SLAMF1: variants seen among roughly 807,000 people sequenced by gnomAD.
SLAMF1 encodes signaling lymphocytic activation molecule.
In SLAMF1, 18 loss-of-function variants were observed where a neutral mutation model predicts 35.1. The observed-to-expected ratio is 0.51, with a 90% CI of 0.35 to 0.76. The LOEUF (loss-of-function observed/expected upper bound fraction) is 0.76, where lower values mean the gene tolerates loss of function less well. Among genes scored for constraint, SLAMF1 ranks in the 30% least tolerant of loss-of-function variants. The pLI, the probability that SLAMF1 is intolerant of heterozygous loss-of-function variation, is 0.01. For missense variants in SLAMF1, 392 were observed against 413.0 expected (o/e 0.95, Z 0.44); for synonymous variants, 168 against 157.2 (o/e 1.07, Z -0.51).
At chr1:160,615,700 G>C (rs1659260095) in intron 5 of SLAMF1, 2 of 314,570 alleles carry the variant, frequency 6.4e-6, no homozygotes, top group Non-Finnish European at 1.3e-5. Context: ...CTTCACAGAT[G>C]TCAAGATAAG....
At position 160,622,790 on chromosome 1, in the gene SLAMF1, C is replaced by A. The variant is rs189835619; in HGVS notation, c.790+1306G>T. The stretch of plus-strand genomic sequence containing the variant: ...TTTGTCTAATGCCTATACCCACATT[C>A]TTTATCAGTGTATTCTCCTGGACAT... On this transcript the variant is annotated intron_variant, in intron 4 of 6. Transcript: ENST00000302035. Among the ~76,000 whole-genome samples the A allele has an allele frequency of 7.9e-4, 120 of 152,340 alleles. 1 individual carries two copies. Among genetic ancestry groups the A allele is most frequent in the African/African-American group, 2.8e-3 (116 of 41,586 alleles).
At chr1:160,644,995 G>C (rs1660959392) in intron 1 of SLAMF1, among the ~76,000 whole-genome samples, 1 of 152,192 alleles carries the variant, frequency 6.6e-6, no homozygotes, top group African/African-American at 2.4e-5. Flanking sequence ...GGCTATGTAT[G>C]TATGGGGCAG....
intron 1 of SLAMF1, among the ~76,000 whole-genome samples, chr1:160,643,818 A>G (rs1457758090): frequency 1.3e-5 from 2 of 152,228 alleles, no homozygotes; most frequent in East Asian, 3.8e-4. Context: ...ATTATTGTTA[A>G]CTATAGTCAC....
chr1:160,622,605 C>G (rs115499636), intron 4 of SLAMF1, among the ~76,000 whole-genome samples: 1,736 of 152,238 alleles, frequency 0.011, 13 homozygotes, highest in East Asian at 0.026. Flanking sequence ...TATCTATCAC[C>G]CATCGATGGG....
rs1295314117 is a variant in SLAMF1 at position 160,637,506 on chromosome 1, T to C, written c.100A>G (p.Lys34Glu). Residue 34 changes from lysine (K) to glutamate (E), a missense_variant, in exon 2 of 7, where the codon AAG becomes GAG. Coordinates refer to ENST00000302035, the MANE Select transcript of SLAMF1 (RefSeq NM_003037.5). The stretch of plus-strand genomic sequence containing the variant: ...TTGCTTCCCAACTGCCGGAGAATCT[T>C]TGGGCAGTTCATCATGCGCCCACCT... ...GTGGRMMNCP[K>E]ILRQLGSKVL... 1.9e-6 allele frequency: 3 copies of C among 1,611,616 alleles called. No homozygotes were observed. The highest frequency in any genetic ancestry group is 2.5e-6 in the Non-Finnish European group (3 of 1,179,852).
At chr1:160,612,433 T>G (rs889330094) in intron 6 of SLAMF1, 55 bp downstream of exon 6, 2 of 1,213,444 alleles carry the variant, frequency 1.6e-6, no homozygotes, top group African/African-American at 1.5e-5. Flanking sequence ...CTTCCTCATT[T>G]TCCCCTCCTT....
At chr1:160,632,702 C>G (rs1285694242) in intron 3 of SLAMF1, among the ~76,000 whole-genome samples, 1 of 152,058 alleles carries the variant, frequency 6.6e-6, no homozygotes, top group Non-Finnish European at 1.5e-5. Flanking sequence ...GGCAGCTATA[C>G]CCAGAGAGGG....
Position 160,612,593 on chromosome 1 carries a change from C to A in SLAMF1, c.865-13G>T, listed in dbSNP as rs769299336. 6.5e-7 allele frequency: 1 copy of A among 1,544,958 alleles called. No individual in the cohort carries two copies. Among genetic ancestry groups the A allele is most frequent in the Admixed American group, 1.7e-5 (1 of 59,510 alleles). ...TCTTCTGAAGAGGCTACAAGAGAAGCAAAGAAAGCAGATTAGCTGAACAGA... is the reference window on the plus strand; with the variant it reads ...TCTTCTGAAGAGGCTACAAGAGAAGAAAAGAAAGCAGATTAGCTGAACAGA... On this transcript the variant is annotated splice_polypyrimidine_tract_variant and intron_variant, in intron 5 of 6. Transcript: ENST00000302035.
Position 160,610,703 on chromosome 1 carries a change from G to A in SLAMF1, c.*45C>T. On this transcript the variant is annotated 3_prime_UTR_variant, in exon 7 of 7. Transcript: ENST00000302035. ...GTGGCCAAGTTCAGTGTTCATTTTGGTTTTTCCATTTTCCTTCAGAAAGTC... is the reference window on the plus strand; with the variant it reads ...GTGGCCAAGTTCAGTGTTCATTTTGATTTTTCCATTTTCCTTCAGAAAGTC... 1 of 1,513,460 alleles carries A rather than the reference G, an allele frequency of 6.6e-7. No homozygotes were observed. The allele number at this position is 1,513,460 out of a possible 1,614,324, so 93.8% of individuals were successfully genotyped here.
intron 1 of SLAMF1, among the ~76,000 whole-genome samples, chr1:160,640,355 T>C (rs1243885940): frequency 1.8e-4 from 24 of 133,584 alleles, no homozygotes; most frequent in African/African-American, 6.6e-4. Context: ...TATATATATA[T>C]ATATACACAC....
intron 5 of SLAMF1, among the ~76,000 whole-genome samples, chr1:160,614,377 C>T (rs1023864628): frequency 5.5e-5 from 8 of 145,360 alleles, no homozygotes; most frequent in African/African-American, 2.0e-4. Context: ...AGATCGAGAC[C>T]ATCCTGGCCA....
chr1:160,637,137 G>A lies in SLAMF1; in HGVS notation c.415+54C>T, dbSNP rs1008093353. On this transcript the variant is annotated intron_variant, in intron 2 of 6. Coordinates refer to ENST00000302035, the MANE Select transcript of SLAMF1 (RefSeq NM_003037.5). ...CTTTTAAGAGAGACCTAAATTCTTG[G>A]TCAAAGGAGCACCTTGGCCCTTTAG... The A allele has an allele frequency of 5.6e-6, 7 of 1,260,990 alleles. No individual in the cohort carries two copies. The Middle Eastern group carries it at 7.5e-4, about 135-fold the overall frequency. 78.1% of individuals were successfully genotyped at this position (1,260,990 alleles called of 1,614,324 possible).
At chr1:160,618,498 G>A (rs1177670450) in intron 5 of SLAMF1, among the ~76,000 whole-genome samples, 3 of 152,036 alleles carry the variant, frequency 2.0e-5, no homozygotes, top group Admixed American at 6.6e-5. Flanking sequence ...TAGTCCCCTC[G>A]AGTGTTTGCA....
intron 1 of SLAMF1, among the ~76,000 whole-genome samples, chr1:160,640,399 T>C (rs1014148258): frequency 2.9e-5 from 4 of 139,464 alleles, no homozygotes; most frequent in Non-Finnish European, 6.2e-5. Context: ...CACACACACA[T>C]ACATATATAT....
chr1:160,633,115 G>A (rs1335250085), intron 3 of SLAMF1, among the ~76,000 whole-genome samples: 1 of 152,180 alleles, frequency 6.6e-6, no homozygotes, highest in Non-Finnish European at 1.5e-5. Flanking sequence ...GGGCAGCATT[G>A]GCTCTAGGAC....
intron 5 of SLAMF1, 106 bp downstream of exon 5, chr1:160,619,670 C>T (rs577714149): frequency 8.8e-6 from 7 of 792,410 alleles, no homozygotes; most frequent in Non-Finnish European, 1.6e-5. Context: ...CCCTACCTTC[C>T]TCTGCTCTGG....
chr1:160,646,154 G>A (rs1455923208), intron 1 of SLAMF1, among the ~76,000 whole-genome samples: 1 of 152,198 alleles, frequency 6.6e-6, no homozygotes, highest in African/African-American at 2.4e-5. Context: ...CAGGAACAGA[G>A]TCCAGATCCA....
chr1:160,630,279 G>A (rs56184622), intron 3 of SLAMF1, among the ~76,000 whole-genome samples: 1,628 of 152,278 alleles, frequency 0.011, 28 homozygotes, highest in African/African-American at 0.037. Flanking sequence ...GCTTCATTAT[G>A]ATAGACATTA....
chr1:160,625,827 G>GTC (rs964718290), intron 3 of SLAMF1, among the ~76,000 whole-genome samples: 11 of 97,032 alleles, frequency 1.1e-4, no homozygotes, highest in African/African-American at 4.1e-4. Flanking sequence ...GTGCAGGAGT[G>GTC]TGTGTGTGTG....
Sources: allele counts gnomAD v4.1 joint callset (sites outside exome capture counted in the v4.1 genomes callset), GRCh38; gene constraint gnomAD v4.1.1; transcripts MANE v1.5; gene names NCBI Gene and HGNC (gene_info 2026-07-23, HGNC 2026-07-21).